ANKRD13A: variants seen among roughly 807,000 people sequenced by gnomAD.
ANKRD13A encodes the protein ankyrin repeat domain 13A.
In ANKRD13A, 48 loss-of-function variants were observed where a neutral mutation model predicts 81.3. The observed-to-expected ratio is 0.59, with a 90% confidence interval of 0.47 to 0.75. ANKRD13A has a LOEUF of 0.75. ANKRD13A is among the 30% of genes least tolerant of loss of function. ANKRD13A has a pLI of 0.00. For missense variants in ANKRD13A, 612 were observed against 734.0 expected, an observed-to-expected ratio of 0.83 and a Z score of 1.92; for synonymous variants, 230 against 270.1, an observed-to-expected ratio of 0.85 and a Z score of 1.45.
chr12:110,016,486 G>A lies in ANKRD13A; in HGVS notation c.400+53G>A, dbSNP rs925848658. On this transcript the variant is annotated intron_variant, in intron 4 of 14. Transcript: ENST00000261739. ...TTCTCTTTCTAAATTTACTTAGCCC[G>A]CATGTAGGTTTATTTTTCCTTTGTA... 34 of 1,475,322 alleles carry A rather than the reference G, an allele frequency of 2.3e-5. No individual in the cohort carries two copies. In the East Asian group the frequency reaches 2.5e-4, roughly 11 times the overall value. The allele number at this position is 1,475,322 out of a possible 1,614,324, so 91.4% of individuals were successfully genotyped here. A position where few individuals can be genotyped will look rare whatever the true frequency, so the allele number is the denominator to read the frequency against.
chr12:110,025,715 C>T (rs776687587), intron 7 of ANKRD13A, 27 bp from the exon 8 acceptor site: 9 of 1,565,388 alleles, frequency 5.7e-6, no homozygotes, highest in Middle Eastern at 1.7e-4. Context: ...CCCTGTGTCA[C>T]TGTTTTCTTT....
At position 110,036,749 on chromosome 12, in the gene ANKRD13A, C is replaced by CAA. The variant is rs113661835; in HGVS notation, c.1577+432_1577+433dup. On this transcript the variant is annotated intron_variant, in intron 14 of 14. Coordinates refer to ENST00000261739, the MANE Select transcript of ANKRD13A (RefSeq NM_033121.2). This position sits in a 1 kb window ranked among gnomAD's most constrained non-coding sequence, Gnocchi z 4.6. ...TGGGCGATAGAGCGAGACTCCGTCTCAAAAAAAAAAAAGACTAAAGTGTTG... is the reference window on the plus strand; with the variant it reads ...TGGGCGATAGAGCGAGACTCCGTCTCAAAAAAAAAAAAAAGACTAAAGTGTTG... 2.8e-3 allele frequency among the ~76,000 whole-genome samples: 396 copies of CAA among 141,128 alleles called. 2 individuals carry two copies. The highest frequency in any genetic ancestry group is 1.0e-2 in the African/African-American group (386 of 38,738). 92.6% of individuals were successfully genotyped at this position (141,128 alleles called of 152,430 possible).
Position 109,999,886 on chromosome 12 carries a change from C to T in ANKRD13A, c.96+102C>T, listed in dbSNP as rs1889860682. ...TTTCCAGCCCTCTGTCCCCGGGATCCCCAGACCCCTTCCACTTTGCAGGTG... is the reference window on the plus strand; with the variant it reads ...TTTCCAGCCCTCTGTCCCCGGGATCTCCAGACCCCTTCCACTTTGCAGGTG... On this transcript the variant is annotated intron_variant, in intron 1 of 14. Transcript: ENST00000261739. The surrounding 1 kb of genome is among the most constrained non-coding windows in gnomAD (Gnocchi z 4.3). 17 of 1,077,864 alleles carry T rather than the reference C, an allele frequency of 1.6e-5. No individual in the cohort carries two copies. The highest frequency in any genetic ancestry group is 2.0e-5 in the Non-Finnish European group (16 of 781,282). The allele number at this position is 1,077,864 out of a possible 1,614,324, so 66.8% of individuals were successfully genotyped here. A position where few individuals can be genotyped will look rare whatever the true frequency, so the allele number is the denominator to read the frequency against.
intron 8 of ANKRD13A, chr12:110,027,105 A>T (rs920880780): frequency 3.3e-5 from 5 of 152,568 alleles, no homozygotes; most frequent in African/African-American, 1.2e-4. Flanking sequence ...AGATTTAGAC[A>T]GAACTTGGGG....
At chr12:110,005,814 G>A (rs1487484642) in intron 1 of ANKRD13A, among the ~76,000 whole-genome samples, 1 of 152,084 alleles carries the variant, frequency 6.6e-6, no homozygotes, top group Non-Finnish European at 1.5e-5. Flanking sequence ...TTGTGTATAT[G>A]TTTTTGTGGG....
At position 110,025,829 on chromosome 12, in the gene ANKRD13A, C is replaced by T. The variant is rs1211584480; in HGVS notation, c.883+6C>T. The T allele has an allele frequency of 1.2e-6, 2 of 1,610,228 alleles. No homozygotes were observed. Among genetic ancestry groups the T allele is most frequent in the Admixed American group, 3.3e-5 (2 of 59,784 alleles). Reference sequence around the variant, plus strand: ...GGAAAAAAAGAGATATAAAGGTAATCACCACCACCCTCCCACCTCCTGTTT... The same window carrying T: ...GGAAAAAAAGAGATATAAAGGTAATTACCACCACCCTCCCACCTCCTGTTT... On this transcript the variant is annotated splice_donor_region_variant and intron_variant, in intron 8 of 14. Coordinates refer to ENST00000261739, the MANE Select transcript of ANKRD13A (RefSeq NM_033121.2).
At chr12:109,999,261 G>A, upstream of ANKRD13A, 1 of 153,028 alleles carries the variant, frequency 6.5e-6, no homozygotes, top group East Asian at 1.9e-4. This position sits in a 1 kb window ranked among gnomAD's most constrained non-coding sequence, Gnocchi z 4.3. Context: ...CTTTGGCCAA[G>A]AGAATGAGCC....
intron 5 of ANKRD13A, 83 bp from the exon 6 acceptor site, chr12:110,019,056 T>C: frequency 7.1e-7 from 1 of 1,399,100 alleles, no homozygotes; most frequent in Non-Finnish European, 9.7e-7. Flanking sequence ...ACATGAAAGA[T>C]GATACATTTT....
intron 10 of ANKRD13A, chr12:110,029,264 G>A (rs1891539273): frequency 2.3e-6 from 1 of 443,108 alleles, no homozygotes; most frequent in Non-Finnish European, 4.0e-6. Context: ...ATCGTGGCAG[G>A]TTGTCATGCA....
At chr12:110,015,028 G>A (rs1464451465) in intron 3 of ANKRD13A, among the ~76,000 whole-genome samples, 1 of 151,760 alleles carries the variant, frequency 6.6e-6, no homozygotes, top group Non-Finnish European at 1.5e-5. Context: ...CGCCCGCCTC[G>A]GCCTCCCAAA....
At chr12:110,029,745 A>G in intron 11 of ANKRD13A, 110 bp downstream of exon 11, 2 of 1,282,190 alleles carry the variant, frequency 1.6e-6, no homozygotes, top group South Asian at 2.6e-5. Flanking sequence ...AGGTCAAAGT[A>G]GCTTATAGAC....
At position 110,030,699 on chromosome 12, in the gene ANKRD13A, G is replaced by T. The variant is rs767967381; in HGVS notation, c.1289G>T (p.Gly430Val). 1.2e-6 allele frequency: 2 copies of T among 1,610,464 alleles called. No individual in the cohort carries two copies. Among genetic ancestry groups the T allele is most frequent in the Non-Finnish European group, 1.7e-6 (2 of 1,178,160 alleles). The change falls in exon 12 of 15, where the codon GGC becomes GTC. Residue 430 changes from glycine to valine, a missense_variant. By Grantham distance (109) the Gly-to-Val change is moderately radical. Coordinates refer to ENST00000261739, the MANE Select transcript of ANKRD13A (RefSeq NM_033121.2). ...CGGATTACATTTGGAAATGTTAATG[G>T]CTGTAGCACTGCCGAAGAATCTGTA... Reference protein sequence around the residue: ...NARITFGNVNGCSTAEESVSQ... With the variant: ...NARITFGNVNVCSTAEESVSQ...
chr12:110,032,499 G>A lies in ANKRD13A; in HGVS notation c.1349-1298G>A, dbSNP rs567390387. On this transcript the variant is annotated intron_variant, in intron 12 of 14. Coordinates refer to ENST00000261739, the MANE Select transcript of ANKRD13A (RefSeq NM_033121.2). ...GAGGTTGTGCAGCTAAGGAACACTC[G>A]TGCACTCTTGGCTGGAAGAGGAGAT... 3.3e-5 allele frequency: 5 copies of A among 152,274 alleles called. No individual in the cohort carries two copies. The East Asian group carries it at 7.7e-4, about 23-fold the overall frequency. 9.4% of individuals were successfully genotyped at this position (152,274 alleles called of 1,614,324 possible). A position where few individuals can be genotyped will look rare whatever the true frequency, so the allele number is the denominator to read the frequency against.
chr12:110,027,845 A>C, intron 9 of ANKRD13A, 79 bp downstream of exon 9: 1 of 1,433,856 alleles, frequency 7.0e-7, no homozygotes, highest in Non-Finnish European at 9.8e-7. Flanking sequence ...CATTTACTGG[A>C]TCCTGAACAG....
chr12:110,018,413 G>A lies in ANKRD13A; in HGVS notation c.469G>A (p.Val157Ile), dbSNP rs764383276. The A allele has an allele frequency of 7.2e-5, 117 of 1,614,012 alleles. No individual in the cohort carries two copies. In the Admixed American group the frequency reaches 1.7e-3, roughly 23 times the overall value. ...CTGGAAAAGTGGTGCCAAACTGCGC[G>A]TCGATATCACATTGCTGGGATTTGA... is the stretch of plus-strand genomic sequence containing the variant. ...RIWKSGAKLR[V>I]DITLLGFENM... Residue 157 changes from valine (V) to isoleucine (I), a missense_variant, in exon 5 of 15, where the codon GTC becomes ATC. Transcript: ENST00000261739. This position sits in a 1 kb window ranked among gnomAD's most constrained non-coding sequence, Gnocchi z 4.4.
rs1306749329 is a variant in ANKRD13A, at chr12:110,037,629, A to T, written c.*75A>T. ...CAGATGCTGTGTCAACCAGGGCCCT[A>T]GGGCTAAGGGCCTGCACCTTGCGTG... On this transcript the variant is annotated 3_prime_UTR_variant, in exon 15 of 15. Transcript: ENST00000261739. The T allele has an allele frequency of 3.8e-5, 55 of 1,458,100 alleles. No individual in the cohort carries two copies. The highest frequency in any genetic ancestry group is 5.1e-5 in the Non-Finnish European group (55 of 1,078,562). The allele number at this position is 1,458,100 out of a possible 1,614,324, so 90.3% of individuals were successfully genotyped here.
intron 1 of ANKRD13A, among the ~76,000 whole-genome samples, chr12:110,011,254 C>T (rs1424500953): frequency 2.6e-5 from 4 of 152,174 alleles, no homozygotes; most frequent in Admixed American, 6.5e-5. Flanking sequence ...GCTCTGGACA[C>T]GCGGTGCAGG....
chr12:110,003,983 C>T (rs1890113823), intron 1 of ANKRD13A, among the ~76,000 whole-genome samples: 1 of 151,952 alleles, frequency 6.6e-6, no homozygotes, highest in Non-Finnish European at 1.5e-5. Context: ...ATAGTGAAAC[C>T]CCATCTTTGC....
intron 7 of ANKRD13A, among the ~76,000 whole-genome samples, chr12:110,025,188 TCTA>T (rs1187293561): frequency 6.6e-6 from 1 of 152,116 alleles, no homozygotes; most frequent in Admixed American, 6.5e-5. Flanking sequence ...AAACCCCGTC[TCTA>T]CTAAAAATAC....
Sources: allele counts gnomAD v4.1 joint callset (sites outside exome capture counted in the v4.1 genomes callset), GRCh38; gene constraint gnomAD v4.1.1; non-coding constraint Gnocchi (gnomAD v3.1); transcripts MANE v1.5; gene names NCBI Gene and HGNC (gene_info 2026-07-23, HGNC 2026-07-21).